Variants in TNRC18 observed in about 807,000 individuals in gnomAD.
TNRC18 encodes the protein trinucleotide repeat containing 18.
In TNRC18, 69 loss-of-function variants were observed where a neutral mutation model predicts 226.7. That is an observed-to-expected ratio of 0.30 (90% CI 0.25 to 0.37). TNRC18 has a LOEUF of 0.37. Among genes scored for constraint, TNRC18 ranks in the 10% least tolerant of loss-of-function variants. The pLI is 1.00. For synonymous variants in TNRC18, 2,449 were observed against 1,927.6 expected, an observed-to-expected ratio of 1.27 and a Z score of -7.09; for missense variants, 4,754 against 4,256.6, an observed-to-expected ratio of 1.12 and a Z score of -3.25.
At position 5,390,546 on chromosome 7, in the gene TNRC18, G is replaced by A. The variant is rs773604019; in HGVS notation, c.426C>T (p.Leu142=). ...HLEPPSSGSP[L]LSQLGQPSIF... ...TGCTGGGCTGACCCAGCTGGCTGAG[G>A]AGGGGGCTCCCACTGCTGGGGGGCT... Residue 142 remains leucine, a synonymous_variant, in exon 4 of 30, where the codon CTC becomes CTT. Transcript: ENST00000430969. 8 of 1,613,564 alleles carry A rather than the reference G, an allele frequency of 5.0e-6. No homozygotes were observed. In the South Asian group the frequency reaches 6.6e-5, roughly 13 times the overall value.
At chr7:5,334,897 T>C (rs1486177635) in intron 18 of TNRC18, among the ~76,000 whole-genome samples, 5 of 152,124 alleles carry the variant, frequency 3.3e-5, no homozygotes, top group Non-Finnish European at 5.9e-5. Context: ...CACGGTCTTC[T>C]TGGCACACAC....
At position 5,312,575 on chromosome 7, in the gene TNRC18, C is replaced by T; in HGVS notation, c.8316G>A (p.Val2772=). ...AGGCGGCGATCTTGGGCCGGTTCTC[C>T]ACGGACGGCAGGCGCTGCCGCTTGG... is the stretch of plus-strand genomic sequence containing the variant. ...ELAKRQRLPS[V]ENRPKIAAFL... Residue 2772 remains valine, a synonymous_variant, in exon 27 of 30, where the codon GTG becomes GTA. Transcript: ENST00000430969. This position sits in a 1 kb window ranked among gnomAD's most constrained non-coding sequence, Gnocchi z 6.3. The T allele has an allele frequency of 2.5e-6, 4 of 1,611,278 alleles. No homozygotes were observed. The highest frequency in any genetic ancestry group is 3.4e-6 in the Non-Finnish European group (4 of 1,179,390).
At chr7:5,350,858 T>C (rs900283548) in intron 17 of TNRC18, among the ~76,000 whole-genome samples, 1 of 152,166 alleles carries the variant, frequency 6.6e-6, no homozygotes, top group South Asian at 2.1e-4. Context: ...CGTCCCTTGA[T>C]GCGGCAACGG....
chr7:5,323,984 G>C (rs1254120673), intron 21 of TNRC18, among the ~76,000 whole-genome samples: 1 of 152,198 alleles, frequency 6.6e-6, no homozygotes. Context: ...CGCAGGACCT[G>C]CCTCCTCCCT....
intron 5 of TNRC18, among the ~76,000 whole-genome samples, chr7:5,381,676 T>C (rs970386481): frequency 6.6e-6 from 1 of 151,638 alleles, no homozygotes; most frequent in Non-Finnish European, 1.5e-5. Flanking sequence ...GAAAGAAAAG[T>C]AAACTCAGGT....
intron 11 of TNRC18, among the ~76,000 whole-genome samples, chr7:5,365,210 C>T (rs1182381363): frequency 6.6e-6 from 1 of 152,192 alleles, no homozygotes; most frequent in Non-Finnish European, 1.5e-5. Flanking sequence ...CTGCCAGGCT[C>T]AAGCAATCAC....
chr7:5,370,669 C>G lies in TNRC18; in HGVS notation c.3925G>C (p.Glu1309Gln), dbSNP rs2128172233. Residue 1309 changes from glutamate to glutamine, a missense_variant, in exon 11 of 30, where the codon GAG becomes CAG. Transcript: ENST00000430969. ...AGTACAGGCACGGCCTCTTGGGGCT[C>G]CAGGCTCGGGCACTGTCCCTCCCCG... ...PAGEGQCPSL[E>Q]PQEAVPVLGS... is the part of the protein sequence containing the mutation. 4 of 1,612,658 alleles carry G rather than the reference C, an allele frequency of 2.5e-6. No individual in the cohort carries two copies. The highest frequency in any genetic ancestry group is 3.4e-6 in the Non-Finnish European group (4 of 1,179,712).
chr7:5,347,525 C>T (rs1383980848), intron 17 of TNRC18, among the ~76,000 whole-genome samples: 1 of 151,848 alleles, frequency 6.6e-6, no homozygotes, highest in Non-Finnish European at 1.5e-5. Flanking sequence ...ATTAGCCAGG[C>T]GTGGTGGCTT....
rs35794476 is a variant in TNRC18 at position 5,402,178 on chromosome 7, C to CAAA, written c.188-7586_188-7584dup. 7.9e-3 allele frequency among the ~76,000 whole-genome samples: 564 copies of CAAA among 71,270 alleles called. 30 individuals carry two copies. Among genetic ancestry groups the CAAA allele is most frequent in the African/African-American group, 0.032 (510 of 15,886 alleles). 46.8% of individuals were successfully genotyped at this position (71,270 alleles called of 152,430 possible). A position where few individuals can be genotyped will look rare whatever the true frequency, so the allele number is the denominator to read the frequency against. The stretch of plus-strand genomic sequence containing the variant: ...TGGGCAACACAGCGAGACTCTGTCT[C>CAAA]AAAAAAAAAAAAAAAAAAAAAAAGA... On this transcript the variant is annotated intron_variant, in intron 2 of 29. Transcript: ENST00000430969.
intron 11 of TNRC18, among the ~76,000 whole-genome samples, chr7:5,368,666 A>T (rs1414701918): frequency 6.8e-5 from 1 of 14,684 alleles, no homozygotes; most frequent in East Asian, 7.4e-4. Flanking sequence ...CTCTGTCTCA[A>T]AAAAAAAAAA....
chr7:5,419,243 A>G (rs148821278), intron 2 of TNRC18, among the ~76,000 whole-genome samples: 50 of 152,360 alleles, frequency 3.3e-4, no homozygotes, highest in Non-Finnish European at 3.1e-4. Context: ...GCATGCATGC[A>G]TGAGTAGTAG....
At chr7:5,354,066 G>A (rs983509853) in intron 16 of TNRC18, among the ~76,000 whole-genome samples, 2 of 151,924 alleles carry the variant, frequency 1.3e-5, no homozygotes, top group African/African-American at 4.8e-5. Flanking sequence ...AGCTGGGTGT[G>A]GTGGTGCGTG....
intron 2 of TNRC18, among the ~76,000 whole-genome samples, chr7:5,416,397 A>G (rs1562643700): frequency 6.6e-6 from 1 of 152,208 alleles, no homozygotes; most frequent in African/African-American, 2.4e-5. Context: ...CCTGGGCGAC[A>G]GAGCGAGACT....
chr7:5,320,866 C>T (rs1374761640), intron 22 of TNRC18, among the ~76,000 whole-genome samples: 12 of 152,258 alleles, frequency 7.9e-5, no homozygotes, highest in Admixed American at 6.5e-4. Context: ...GCGGAGCAGC[C>T]GCGCCCAGCC....
chr7:5,351,474 T>G (rs1264600808), intron 17 of TNRC18, among the ~76,000 whole-genome samples: 1 of 31,418 alleles, frequency 3.2e-5, no homozygotes, highest in African/African-American at 1.3e-4. Context: ...GCAGAAAACG[T>G]GAGTGCGGGG....
chr7:5,371,798 TGGTG>T (rs1794180503), intron 10 of TNRC18, among the ~76,000 whole-genome samples: 1 of 151,546 alleles, frequency 6.6e-6, no homozygotes, highest in Non-Finnish European at 1.5e-5. Flanking sequence ...GAGCCAGGCG[TGGTG>T]GGCCACGCCT....
At position 5,359,325 on chromosome 7, in the gene TNRC18, G is replaced by C. The variant is rs530268508; in HGVS notation, c.4833+73C>G. ...CAGGAACAAAGGGCCTGCGAAGGGA[G>C]CGTGAACTCTTAACACACCCTCCAG... On this transcript the variant is annotated intron_variant, in intron 15 of 29. Coordinates refer to ENST00000430969, the MANE Select transcript of TNRC18 (RefSeq NM_001080495.3). 4 of 1,514,142 alleles carry C rather than the reference G, an allele frequency of 2.6e-6. No homozygotes were observed. The East Asian group carries it at 6.8e-5, about 26-fold the overall frequency. The allele number at this position is 1,514,142 out of a possible 1,614,324, so 93.8% of individuals were successfully genotyped here. A position where few individuals can be genotyped will look rare whatever the true frequency, so the allele number is the denominator to read the frequency against.
At chr7:5,379,748 G>T (rs1034035773) in intron 5 of TNRC18, among the ~76,000 whole-genome samples, 1 of 152,366 alleles carries the variant, frequency 6.6e-6, no homozygotes, top group Non-Finnish European at 1.5e-5. Flanking sequence ...CCACGGCAGA[G>T]GCTACCAGGT....
Position 5,377,325 on chromosome 7 carries a change from C to CCCCCCA in TNRC18, c.2461+45_2461+46insTGGGGG. On this transcript the variant is annotated intron_variant, in intron 7 of 29. Coordinates refer to ENST00000430969, the MANE Select transcript of TNRC18 (RefSeq NM_001080495.3). This position sits in a 1 kb window ranked among gnomAD's most constrained non-coding sequence, Gnocchi z 5.8. Reference sequence around the variant, plus strand: ...CTCTTGTCCTGCACCCGCCCCCTCCCACCCCTCCCTCAGAGAAGGGGAGAG... The same window carrying CCCCCCA: ...CTCTTGTCCTGCACCCGCCCCCTCCCCCCCCAACCCCTCCCTCAGAGAAGGGGAGAG... 8.1e-6 allele frequency: 9 copies of CCCCCCA among 1,105,752 alleles called. No individual in the cohort carries two copies. Among genetic ancestry groups the CCCCCCA allele is most frequent in the East Asian group, 2.6e-5 (1 of 38,340 alleles). 68.5% of individuals were successfully genotyped at this position (1,105,752 alleles called of 1,614,324 possible).
Sources: gnomAD v4.1 joint callset for allele counts (sites outside exome capture counted in the v4.1 genomes callset) on GRCh38, gnomAD v4.1.1 for gene constraint, Gnocchi (gnomAD v3.1) non-coding constraint, MANE v1.5 for transcripts, NCBI Gene and HGNC (gene_info 2026-07-23, HGNC 2026-07-21) for gene names.